Variants in ATM observed in about 807,000 individuals in gnomAD.
The protein encoded by ATM is ATM serine/threonine kinase, also known as serine-protein kinase ATM.
ATM carries 308 observed loss-of-function variants against 387.0 expected under a neutral mutation model. The ratio of observed to expected loss-of-function variants is 0.80; its 90% CI spans 0.73 to 0.87. The LOEUF is 0.87. Among genes scored for constraint, ATM ranks in the 40% least tolerant of loss-of-function variants. ATM has a pLI of 0.00. For missense variants in ATM, 3,312 were observed against 3,560.9 expected, an observed-to-expected ratio of 0.93 and a Z score of 1.78; for synonymous variants, 1,156 against 1,187.3, an observed-to-expected ratio of 0.97 and a Z score of 0.54.
chr11:108,274,211 GTAT>G (rs2081792316), intron 22 of ATM, among the ~76,000 whole-genome samples: 1 of 152,122 alleles, frequency 6.6e-6, no homozygotes, highest in Admixed American at 6.5e-5. Context: ...GGGATCAGTG[GTAT>G]TATCCTCTTT....
rs555263908 is a variant in ATM at position 108,305,062 on chromosome 11, G to A, written c.5674+210G>A. ...GTGTAAAGTGCCTAGGATAGTACTT[G>A]ATGTATAGTATTCCCTCAGTACATT... On this transcript the variant is annotated intron_variant, in intron 37 of 62. Coordinates refer to ENST00000675843, the MANE Select transcript of ATM (RefSeq NM_000051.4). Among the ~76,000 whole-genome samples the A allele has an allele frequency of 2.0e-5, 3 of 152,296 alleles. No individual in the cohort carries two copies. The South Asian group carries it at 6.2e-4, about 32-fold the overall frequency.
In ATM at chr11:108,254,103, G is replaced by A. The variant is rs946147600; in HGVS notation, c.2124+64G>A. ...TTCAACTTTGGTAAACTGTTAGGAA[G>A]GAGAAATAGGGGCAGGAAAAACAGC... On this transcript the variant is annotated intron_variant, in intron 13 of 62. Transcript: ENST00000675843. 5 of 1,493,626 alleles carry A rather than the reference G, an allele frequency of 3.3e-6. No individual in the cohort carries two copies. The African/African-American group carries it at 6.9e-5, about 21-fold the overall frequency. The allele number at this position is 1,493,626 out of a possible 1,614,324, so 92.5% of individuals were successfully genotyped here. A position where few individuals can be genotyped will look rare whatever the true frequency, so the allele number is the denominator to read the frequency against.
intron 59 of ATM, among the ~76,000 whole-genome samples, chr11:108,347,592 C>CAAGA (rs916730286): frequency 2.6e-5 from 4 of 151,904 alleles, no homozygotes; most frequent in African/African-American, 7.3e-5. Context: ...GCCTGGTCTT[C>CAAGA]AAGAAAGAAA....
chr11:108,258,546 T>G (rs184163076), intron 15 of ATM, among the ~76,000 whole-genome samples: 41 of 152,324 alleles, frequency 2.7e-4, no homozygotes, highest in African/African-American at 8.9e-4. Flanking sequence ...TAATCTTTGT[T>G]TTTATCTGCA....
intron 22 of ATM, among the ~76,000 whole-genome samples, chr11:108,276,947 C>A (rs543737547): frequency 6.6e-6 from 1 of 152,096 alleles, no homozygotes; most frequent in African/African-American, 2.4e-5. Context: ...CGTTTAAGTC[C>A]GCTGAAGCTG....
intron 56 of ATM, among the ~76,000 whole-genome samples, chr11:108,341,861 C>G (rs2087618731): frequency 6.6e-6 from 1 of 152,172 alleles, no homozygotes; most frequent in African/African-American, 2.4e-5. Context: ...TGGAATAACT[C>G]TACTGGTGGG....
chr11:108,315,525 T>G (rs1288995196), intron 40 of ATM, among the ~76,000 whole-genome samples: 1 of 152,124 alleles, frequency 6.6e-6, no homozygotes, highest in African/African-American at 2.4e-5. Context: ...TTTAAAAAAT[T>G]TTTCAGTAGT....
At chr11:108,361,933 C>A (rs372309290) in intron 61 of ATM, among the ~76,000 whole-genome samples, 3 of 144,346 alleles carry the variant, frequency 2.1e-5, no homozygotes, top group African/African-American at 7.6e-5. Flanking sequence ...GCAACAAAAG[C>A]CAAAATTGAC....
intron 5 of ATM, chr11:108,236,127 C>G (rs994771144): frequency 4.3e-5 from 18 of 423,478 alleles, no homozygotes; most frequent in African/African-American, 3.6e-4. Context: ...CCAAGTAAAC[C>G]AGAGTTCATA....
intron 36 of ATM, among the ~76,000 whole-genome samples, chr11:108,304,286 A>G (rs1792011061): frequency 6.6e-6 from 1 of 152,188 alleles, no homozygotes; most frequent in Non-Finnish European, 1.5e-5. Flanking sequence ...TAAACTTTTG[A>G]TACCTTTTTC....
chr11:108,227,567 T>C, intron 1 of ATM, 28 bp from the exon 2 acceptor site: 1 of 1,369,638 alleles, frequency 7.3e-7, no homozygotes, highest in Non-Finnish European at 1.0e-6. Context: ...CATATACATA[T>C]ATATACCTAT....
In ATM at chr11:108,251,003, A is replaced by G. The variant is rs753109010; in HGVS notation, c.1538A>G (p.Gln513Arg). The change falls in exon 10 of 63, where the codon CAG becomes CGG. Residue 513 changes from glutamine to arginine, a missense_variant. Around this residue, in one of 4 missense-constraint regions of ATM, gnomAD observed 1,791 missense variants for 1,804.5 expected, o/e 0.99. Coordinates refer to ENST00000675843, the MANE Select transcript of ATM (RefSeq NM_000051.4). Reference sequence around the variant, plus strand: ...TTTGGCTTACTTGGAGCCATAATTCAGGGTAGTTTAGTTGAGGTTGACAGA... The same window carrying G: ...TTTGGCTTACTTGGAGCCATAATTCGGGGTAGTTTAGTTGAGGTTGACAGA... The part of the protein sequence containing the change: ...ENFGLLGAII[Q>R]GSLVEVDREF... 6.2e-7 allele frequency: 1 copy of G among 1,614,204 alleles called. No homozygotes were observed. The highest frequency in any genetic ancestry group is 8.5e-7 in the Non-Finnish European group (1 of 1,180,028).
chr11:108,263,335 T>C (rs2081025763), intron 16 of ATM, among the ~76,000 whole-genome samples: 1 of 139,280 alleles, frequency 7.2e-6, no homozygotes, highest in East Asian at 2.1e-4. Context: ...AGAATCTCAC[T>C]CAAAACCACT....
chr11:108,360,536 A>G (rs1004284026), intron 61 of ATM, among the ~76,000 whole-genome samples: 1 of 137,876 alleles, frequency 7.3e-6, no homozygotes, highest in Non-Finnish European at 1.6e-5. Context: ...ACATTGATGC[A>G]AAAATCCTCA....
chr11:108,235,772 T>G lies in ATM; in HGVS notation c.434T>G (p.Leu145Arg), dbSNP rs1555059346. Residue 145 changes from leucine (L) to arginine (R), a missense_variant, in exon 5 of 63, where the codon CTA (leucine) becomes CGA (arginine). Leu to Arg is a moderately radical substitution (Grantham distance 102). Around this residue, in one of 4 missense-constraint regions of ATM, gnomAD observed 1,791 missense variants for 1,804.5 expected, o/e 0.99. Transcript: ENST00000675843. ...AIYGADCSNI[L>R]LKDILSVRKY... The stretch of plus-strand genomic sequence containing the variant: ...TACGGAGCTGATTGTAGCAACATAC[T>G]ACTCAAAGACATTCTTTCTGTGAGA... 1 of 1,613,798 alleles carries G rather than the reference T, an allele frequency of 6.2e-7. No individual in the cohort carries two copies. Among genetic ancestry groups the G allele is most frequent in the Non-Finnish European group, 8.5e-7 (1 of 1,179,780 alleles).
rs2137865874 is a variant in ATM, at chr11:108,365,062, C to T, written c.8851-20C>T. The T allele has an allele frequency of 6.2e-7, 1 of 1,612,528 alleles. No homozygotes were observed. ...TAAAATGTACATTGTTCTTTTAATACATATGTTCTCTCTGTTTAGGTCCTT... is the reference window on the plus strand; with the variant it reads ...TAAAATGTACATTGTTCTTTTAATATATATGTTCTCTCTGTTTAGGTCCTT... On this transcript the variant is annotated intron_variant, in intron 61 of 62. Transcript: ENST00000675843.
At chr11:108,301,944 A>T (rs1006245220) in intron 35 of ATM, among the ~76,000 whole-genome samples, 155 bp downstream of exon 35, 3 of 152,160 alleles carry the variant, frequency 2.0e-5, no homozygotes, top group Non-Finnish European at 4.4e-5. Context: ...AATCCAGGGA[A>T]TGTGTTATTT....
At chr11:108,228,598 T>C (rs1357260360) in intron 3 of ATM, among the ~76,000 whole-genome samples, 2 of 152,248 alleles carry the variant, frequency 1.3e-5, no homozygotes, top group African/African-American at 4.8e-5. Flanking sequence ...AGCTCCTGTT[T>C]GGTATTAGAT....
In ATM at chr11:108,321,345, T is replaced by G. The variant is rs1232551114; in HGVS notation, c.6497T>G (p.Val2166Gly). Residue 2166 changes from valine (V) to glycine (G), a missense_variant, in exon 45 of 63, where the codon GTG becomes GGG. Coordinates refer to ENST00000675843, the MANE Select transcript of ATM (RefSeq NM_000051.4). ...ATGTGTAAGCGCAGCCTTGAGTCTG[T>G]GTATTCGCTCTATCCCACACTTAGC... ...EEMCKRSLES[V>G]YSLYPTLSRL... The G allele has an allele frequency of 6.2e-7, 1 of 1,614,152 alleles. No individual in the cohort carries two copies. The highest frequency in any genetic ancestry group is 8.5e-7 in the Non-Finnish European group (1 of 1,180,006).
Sources: allele counts gnomAD v4.1 joint callset (sites outside exome capture counted in the v4.1 genomes callset), GRCh38; gene constraint gnomAD v4.1.1; regional missense constraint gnomAD v4.1.1; transcripts MANE v1.5; gene names NCBI Gene and HGNC (gene_info 2026-07-23, HGNC 2026-07-21).